The following NACC2 variants were observed in gnomAD, a reference collection of about 807,000 sequenced individuals.
NACC2 encodes the protein nucleus accumbens-associated protein 2.
NACC2 carries 8 observed loss-of-function variants against 25.1 expected under a neutral mutation model. The ratio of observed to expected loss-of-function variants is 0.32; its 90% CI spans 0.19 to 0.57. The LOEUF is 0.57. NACC2 is among the 20% of genes least tolerant of loss of function. The pLI is 0.89. For synonymous variants in NACC2, 435 were observed against 294.7 expected (o/e 1.48, Z -4.88); for missense variants, 644 against 650.2 (o/e 0.99, Z 0.10).
intron 1 of NACC2, among the ~76,000 whole-genome samples, chr9:136,067,784 G>C (rs548081095): frequency 6.6e-6 from 1 of 152,220 alleles, no homozygotes; most frequent in Non-Finnish European, 1.5e-5. Flanking sequence ...GCGGTGAGCC[G>C]AGATCGCGGC....
intron 1 of NACC2, among the ~76,000 whole-genome samples, chr9:136,052,811 G>T (rs1840866913): frequency 6.6e-6 from 1 of 152,270 alleles, no homozygotes; most frequent in Non-Finnish European, 1.5e-5. Context: ...GCCCAAGGGG[G>T]TCTGCAGCGT....
chr9:136,073,091 T>C (rs1052579645), intron 1 of NACC2, among the ~76,000 whole-genome samples: 7 of 152,078 alleles, frequency 4.6e-5, no homozygotes, highest in Non-Finnish European at 8.8e-5. Flanking sequence ...AGAAAAAACA[T>C]GCCAGGAACA....
intron 1 of NACC2, among the ~76,000 whole-genome samples, chr9:136,091,139 C>T (rs1354720979): frequency 6.6e-6 from 1 of 152,220 alleles, no homozygotes; most frequent in Non-Finnish European, 1.5e-5. Context: ...TCCCGGGAGA[C>T]TCCATGGCGG....
intron 2 of NACC2, among the ~76,000 whole-genome samples, chr9:136,043,377 G>A (rs1236632152): frequency 1.3e-5 from 2 of 152,326 alleles, no homozygotes; most frequent in East Asian, 3.9e-4. Flanking sequence ...GACCATCAGG[G>A]AAATGCAAAT....
chr9:136,029,741 G>C (rs1840445776), intron 2 of NACC2, among the ~76,000 whole-genome samples: 1 of 152,188 alleles, frequency 6.6e-6, no homozygotes, highest in African/African-American at 2.4e-5. Context: ...CAGGGAGCCG[G>C]CGCCTGTGCC....
chr9:136,010,019 A>C lies in NACC2; in HGVS notation c.*1497T>G, dbSNP rs900689442. The C allele has an allele frequency of 6.6e-6, 1 of 152,188 alleles. No homozygotes were observed. 9.4% of individuals were successfully genotyped at this position (152,188 alleles called of 1,614,324 possible). A position where few individuals can be genotyped will look rare whatever the true frequency, so the allele number is the denominator to read the frequency against. On this transcript the variant is annotated 3_prime_UTR_variant, in exon 6 of 6. Coordinates refer to ENST00000277554, the MANE Select transcript of NACC2 (RefSeq NM_144653.5). This position sits in a 1 kb window ranked among gnomAD's most constrained non-coding sequence, Gnocchi z 4.9. Reference sequence around the variant, plus strand: ...CAAGGACACAGGCCTCCAAAACAAAAGGGAGGGACACCTGGGTAGGTGGCC... The same window carrying C: ...CAAGGACACAGGCCTCCAAAACAAACGGGAGGGACACCTGGGTAGGTGGCC...
intron 1 of NACC2, among the ~76,000 whole-genome samples, chr9:136,062,351 A>G (rs552051072): frequency 5.8e-4 from 88 of 152,308 alleles, no homozygotes; most frequent in African/African-American, 1.9e-3. Flanking sequence ...AGTTACAGGT[A>G]TACATGTCAG....
rs1840788380 is a variant in NACC2 at position 136,049,769 on chromosome 9, G to A, written c.753C>T (p.Ala251=). The A allele has an allele frequency of 3.9e-6, 3 of 776,534 alleles. No individual in the cohort carries two copies. The highest frequency in any genetic ancestry group is 7.2e-6 in the Non-Finnish European group (3 of 416,788). The allele number at this position is 776,534 out of a possible 1,614,324, so 48.1% of individuals were successfully genotyped here. The change falls in exon 2 of 6, where the codon GCC becomes GCT. Residue 251 remains alanine (A), a synonymous_variant. Transcript: ENST00000277554. ...YPQGERTSPG[A]SSLPTTDSPT... is the part of the protein sequence containing the mutation. Reference sequence around the variant, plus strand: ...GGCTGTCGGTGGTGGGCAGGCTGCTGGCGCCTGGACTGGTCCGCTCCCCCT... The same window carrying A: ...GGCTGTCGGTGGTGGGCAGGCTGCTAGCGCCTGGACTGGTCCGCTCCCCCT...
intron 2 of NACC2, among the ~76,000 whole-genome samples, chr9:136,023,877 A>AT (rs1446152148): frequency 2.0e-5 from 3 of 152,244 alleles, no homozygotes; most frequent in African/African-American, 7.2e-5. Context: ...ATGAAGGGCA[A>AT]TGCACGGGAT....
At chr9:136,041,058 G>A (rs1000031585) in intron 2 of NACC2, among the ~76,000 whole-genome samples, 4 of 139,304 alleles carry the variant, frequency 2.9e-5, no homozygotes, top group African/African-American at 1.1e-4. Flanking sequence ...AAGGAAGGAA[G>A]GAAAGGAAGG....
At chr9:136,042,889 CACAT>C (rs1292993223) in intron 2 of NACC2, among the ~76,000 whole-genome samples, 1 of 150,288 alleles carries the variant, frequency 6.7e-6, no homozygotes, top group Non-Finnish European at 1.5e-5. Context: ...CACACACAGA[CACAT>C]ACAGACACAC....
chr9:136,064,248 T>C (rs903937097), intron 1 of NACC2, among the ~76,000 whole-genome samples: 3 of 152,046 alleles, frequency 2.0e-5, no homozygotes, highest in Non-Finnish European at 4.4e-5. Flanking sequence ...ATGACTGCAC[T>C]ACTGCACTCC....
Position 136,016,376 on chromosome 9 carries a change from G to C in NACC2, c.940C>G (p.Arg314Gly). The change falls in exon 3 of 6, where the codon CGC becomes GGC. Residue 314 changes from arginine (R) to glycine (G), a missense_variant. Physicochemically the swap from Arg to Gly is moderately radical, Grantham distance 125. Coordinates refer to ENST00000277554, the MANE Select transcript of NACC2 (RefSeq NM_144653.5). ...PLESRSCVLI[R>G]RDLVALPASL... ...GCAGGTAGGGCCACGAGGTCGCGGC[G>C]GATGAGGACGCAGGAGCGGCTCTCC... 6.2e-7 allele frequency: 1 copy of C among 1,611,726 alleles called. No homozygotes were observed. The highest frequency in any genetic ancestry group is 1.1e-5 in the South Asian group (1 of 91,012).
At chr9:136,073,879 G>T (rs1414410676) in intron 1 of NACC2, among the ~76,000 whole-genome samples, 1 of 152,176 alleles carries the variant, frequency 6.6e-6, no homozygotes, top group Non-Finnish European at 1.5e-5. Context: ...GGAGTATCTG[G>T]TCTGCCCAGA....
At chr9:136,052,130 T>C (rs1840854408) in intron 1 of NACC2, among the ~76,000 whole-genome samples, 1 of 152,064 alleles carries the variant, frequency 6.6e-6, no homozygotes, top group Non-Finnish European at 1.5e-5. Flanking sequence ...TTAAAAACAG[T>C]GGAGTGTTGG....
intron 1 of NACC2, among the ~76,000 whole-genome samples, chr9:136,070,501 G>T (rs1054569447): frequency 6.6e-6 from 1 of 151,554 alleles, no homozygotes; most frequent in Non-Finnish European, 1.5e-5. Flanking sequence ...AGCGAGACTC[G>T]TCTCAAAAAA....
At chr9:136,017,421 C>T (rs893960689) in intron 2 of NACC2, among the ~76,000 whole-genome samples, 17 of 152,122 alleles carry the variant, frequency 1.1e-4, no homozygotes, top group African/African-American at 4.1e-4. Context: ...TGCTGGACAC[C>T]CAGCATGCAC....
intron 2 of NACC2, among the ~76,000 whole-genome samples, chr9:136,028,230 T>A (rs1324688375): frequency 6.8e-6 from 1 of 147,604 alleles, no homozygotes; most frequent in African/African-American, 2.5e-5. Flanking sequence ...AAAAAAAAAA[T>A]TGACACCATT....
chr9:136,013,341 AGGGT>A lies in NACC2; in HGVS notation c.1158-49_1158-46del, dbSNP rs1840143297. 1 of 1,571,798 alleles carries A rather than the reference AGGGT, an allele frequency of 6.4e-7. No individual in the cohort carries two copies. Among genetic ancestry groups the A allele is most frequent in the Admixed American group, 1.7e-5 (1 of 59,200 alleles). On this transcript the variant is annotated intron_variant, in intron 4 of 5. Transcript: ENST00000277554. This position sits in a 1 kb window ranked among gnomAD's most constrained non-coding sequence, Gnocchi z 6.6. ...GGCAGGCAGGGTGAGGATGATGGGG[AGGGT>A]ACCTGGAGGCGACCCGCCCGCACGA...
Sources: gnomAD v4.1 joint callset for allele counts (sites outside exome capture counted in the v4.1 genomes callset) on GRCh38, gnomAD v4.1.1 for gene constraint, Gnocchi (gnomAD v3.1) non-coding constraint, MANE v1.5 for transcripts, NCBI Gene and HGNC (gene_info 2026-07-23, HGNC 2026-07-21) for gene names.